Variants in ZNF74 observed in about 807,000 individuals in gnomAD.
ZNF74 encodes the protein zinc finger protein 520.
A neutral mutation model predicts 17.7 loss-of-function variants in ZNF74; 12 were observed. The ratio of observed to expected loss-of-function variants is 0.68; its 90% CI spans 0.43 to 1.10. The LOEUF is 1.10. ZNF74 is among the 50% of genes least tolerant of loss of function. ZNF74 has a pLI of 0.00. For synonymous variants in ZNF74, 358 were observed against 362.1 expected (o/e 0.99, Z 0.13); for missense variants, 811 against 881.0 (o/e 0.92, Z 1.01).
In ZNF74 at chr22:20,406,591, C is replaced by G. The variant is rs1458468935; in HGVS notation, c.1558C>G (p.Arg520Gly). 5 of 1,614,070 alleles carry G rather than the reference C, an allele frequency of 3.1e-6. No individual in the cohort carries two copies. Among genetic ancestry groups the G allele is most frequent in the Admixed American group, 1.7e-5 (1 of 60,004 alleles). Reference protein sequence around the residue: ...SCHSSLIVHQRIHTGEKPYKC... With the variant: ...SCHSSLIVHQGIHTGEKPYKC... ...CCACTCGTCCCTCATCGTGCACCAGCGCATCCACACCGGTGAGAAGCCCTA... is the reference window on the plus strand; with the variant it reads ...CCACTCGTCCCTCATCGTGCACCAGGGCATCCACACCGGTGAGAAGCCCTA... Residue 520 changes from arginine to glycine, a missense_variant, in exon 5 of 5, where the codon CGC becomes GGC. Arg to Gly is a moderately radical substitution (Grantham distance 125). Around this residue, in one of 3 missense-constraint regions of ZNF74, gnomAD observed 30 missense variants for 59.2 expected, o/e 0.51. Coordinates refer to ENST00000400451, the MANE Select transcript of ZNF74 (RefSeq NM_003426.4).
In ZNF74 at chr22:20,407,234, C is replaced by G; in HGVS notation, c.*266C>G. ...CCTTGATGGGCCTGGAAGTTGTTGACAAGGGGAAAGATCTTTCTTGCCAAT... is the reference window on the plus strand; with the variant it reads ...CCTTGATGGGCCTGGAAGTTGTTGAGAAGGGGAAAGATCTTTCTTGCCAAT... On this transcript the variant is annotated 3_prime_UTR_variant, in exon 5 of 5. Transcript: ENST00000400451. 4.1e-6 allele frequency: 2 copies of G among 486,916 alleles called. No homozygotes were observed. Among genetic ancestry groups the G allele is most frequent in the South Asian group, 5.7e-5 (2 of 34,990 alleles). The allele number at this position is 486,916 out of a possible 1,614,324, so 30.2% of individuals were successfully genotyped here.
Position 20,396,329 on chromosome 22 carries a change from A to G in ZNF74, c.120+911A>G, listed in dbSNP as rs2052293633. Among the ~76,000 whole-genome samples the G allele has an allele frequency of 2.0e-5, 3 of 152,108 alleles. 1 individual carries two copies. In the South Asian group the frequency reaches 6.2e-4, roughly 32 times the overall value. On this transcript the variant is annotated intron_variant, in intron 2 of 4. Coordinates refer to ENST00000400451, the MANE Select transcript of ZNF74 (RefSeq NM_003426.4). ...ATAGTCCTCAAGAAACTTGACAGTC[A>G]AATGCAATGCATGTTCCTTGCTTAG...
At chr22:20,396,605 G>A (rs2052296855) in intron 2 of ZNF74, among the ~76,000 whole-genome samples, 1 of 152,062 alleles carries the variant, frequency 6.6e-6, no homozygotes, top group Non-Finnish European at 1.5e-5. Context: ...GTCTGTATGT[G>A]TCTGTGCAGC....
chr22:20,401,492 C>A lies in ZNF74; in HGVS notation c.343+120C>A. ...CTCCATCTCCCCTTTTCAGGTCCCC[C>A]GCCAGACCCTCCTGCCTGCCTCCCT... On this transcript the variant is annotated intron_variant, in intron 4 of 4. Transcript: ENST00000400451. This position sits in a 1 kb window ranked among gnomAD's most constrained non-coding sequence, Gnocchi z 4.2. The A allele has an allele frequency of 1.5e-6, 1 of 675,076 alleles. No individual in the cohort carries two copies. The allele number at this position is 675,076 out of a possible 1,614,324, so 41.8% of individuals were successfully genotyped here.
chr22:20,395,079 A>G (rs191470983), intron 1 of ZNF74: 9 of 460,798 alleles, frequency 2.0e-5, no homozygotes, highest in Admixed American at 1.1e-4. Flanking sequence ...CCCGCGCCCA[A>G]TCATTTGTTC....
At chr22:20,398,180 G>A (rs769322109) in intron 2 of ZNF74, among the ~76,000 whole-genome samples, 2 of 152,004 alleles carry the variant, frequency 1.3e-5, no homozygotes, top group Admixed American at 6.6e-5. Context: ...TTAGCTGGGC[G>A]TTAGTTCTCG....
At chr22:20,402,801 CAAA>C (rs361884) in intron 4 of ZNF74, among the ~76,000 whole-genome samples, 12,397 of 107,442 alleles carry the variant, frequency 0.12, 852 homozygotes, top group African/African-American at 0.23. Context: ...AATTCCATCT[CAAA>C]AAAAAAAAAA....
At position 20,406,233 on chromosome 22, in the gene ZNF74, C is replaced by T. The variant is rs1357534078; in HGVS notation, c.1200C>T (p.His400=). Reference sequence around the variant, plus strand: ...CCTGCGGCAAGGCCTTCACCTGCCACTCATCCCTCACCGTGCATGAGAAGA... The same window carrying T: ...CCTGCGGCAAGGCCTTCACCTGCCATTCATCCCTCACCGTGCATGAGAAGA... The part of the protein sequence containing the change: ...CGSCGKAFTC[H]SSLTVHEKIH... The change falls in exon 5 of 5, where the codon CAC becomes CAT. Residue 400 remains histidine, a synonymous_variant. Transcript: ENST00000400451. 9 of 1,612,806 alleles carry T rather than the reference C, an allele frequency of 5.6e-6. No individual in the cohort carries two copies. Among genetic ancestry groups the T allele is most frequent in the East Asian group, 2.2e-5 (1 of 44,860 alleles).
chr22:20,394,625 G>A lies in ZNF74; in HGVS notation c.-4G>A. The A allele has an allele frequency of 1.2e-6, 2 of 1,614,172 alleles. No individual in the cohort carries two copies. The highest frequency in any genetic ancestry group is 1.1e-5 in the South Asian group (1 of 91,090). On this transcript the variant is annotated 5_prime_UTR_variant, in exon 1 of 5. Transcript: ENST00000400451. ...CTCCTCCTGGGGAGGCTGCCGTGGA[G>A]GCCATGGAGATCCCTGCCCCGGAGC...
Position 20,400,714 on chromosome 22 carries a change from A to G in ZNF74, c.203A>G (p.Tyr68Cys). ...CTAGACTCCCCTCAGAGGGCCTTGT[A>G]CCGGGATGTGATGTTGGAGAACTAC... is the stretch of plus-strand genomic sequence containing the variant. ...GQLDSPQRAL[Y>C]RDVMLENYQN... is the part of the protein sequence containing the mutation. The change falls in exon 3 of 5, where the codon TAC becomes TGC. Residue 68 changes from tyrosine to cysteine, a missense_variant. Around this residue, in one of 3 missense-constraint regions of ZNF74, gnomAD observed 666 missense variants for 702.3 expected, o/e 0.95. Coordinates refer to ENST00000400451, the MANE Select transcript of ZNF74 (RefSeq NM_003426.4). The G allele has an allele frequency of 3.7e-6, 6 of 1,614,120 alleles. No individual in the cohort carries two copies. Among genetic ancestry groups the G allele is most frequent in the Non-Finnish European group, 5.1e-6 (6 of 1,180,016 alleles).
rs540400298 is a variant in ZNF74, at chr22:20,396,906, G to A, written c.120+1488G>A. On this transcript the variant is annotated intron_variant, in intron 2 of 4. Transcript: ENST00000400451. ...GCAGAATGATGACACATTAGACATG[G>A]ACTTCTCCCAGTGGCCAGAAATACC... Among the ~76,000 whole-genome samples the A allele has an allele frequency of 5.1e-4, 78 of 152,118 alleles. 1 individual carries two copies. The highest frequency in any genetic ancestry group is 2.5e-3 in the Admixed American group (38 of 15,268).
At chr22:20,396,575 ATG>A (rs2052296318) in intron 2 of ZNF74, among the ~76,000 whole-genome samples, 1 of 152,026 alleles carries the variant, frequency 6.6e-6, no homozygotes, top group Admixed American at 6.6e-5. Flanking sequence ...GCAAAAAAAA[ATG>A]TGTGTGCATG....
chr22:20,400,820 T>C (rs1294776256), intron 3 of ZNF74, 62 bp downstream of exon 3: 1 of 1,574,086 alleles, frequency 6.4e-7, no homozygotes, highest in Non-Finnish European at 8.7e-7. Context: ...ATGGTAGATA[T>C]TAAGGAGAAT....
rs1456439989 is a variant in ZNF74 at position 20,394,440 on chromosome 22, C to T, written c.-189C>T. 3 of 637,080 alleles carry T rather than the reference C, an allele frequency of 4.7e-6. No individual in the cohort carries two copies. The Admixed American group carries it at 7.8e-5, about 17-fold the overall frequency. The allele number at this position is 637,080 out of a possible 1,614,324, so 39.5% of individuals were successfully genotyped here. A position where few individuals can be genotyped will look rare whatever the true frequency, so the allele number is the denominator to read the frequency against. ...GGGTATCTGCGGAGCCGGCCTGAAC[C>T]CCACCTCAGCCGGGCGCGGGGAGGG... On this transcript the variant is annotated 5_prime_UTR_variant, in exon 1 of 5. Coordinates refer to ENST00000400451, the MANE Select transcript of ZNF74 (RefSeq NM_003426.4).
At chr22:20,398,450 C>T (rs1376180616) in intron 2 of ZNF74, among the ~76,000 whole-genome samples, 1 of 152,022 alleles carries the variant, frequency 6.6e-6, no homozygotes, top group Non-Finnish European at 1.5e-5. Context: ...TTTGCTTATC[C>T]ATTCACCAGC....
chr22:20,398,043 G>T (rs568897988), intron 2 of ZNF74, among the ~76,000 whole-genome samples: 1 of 152,322 alleles, frequency 6.6e-6, no homozygotes, highest in African/African-American at 2.4e-5. Flanking sequence ...TCCAGGCCGG[G>T]TGCAGTGGCT....
At position 20,405,493 on chromosome 22, in the gene ZNF74, G is replaced by A; in HGVS notation, c.460G>A (p.Gly154Ser). 1 of 1,607,870 alleles carries A rather than the reference G, an allele frequency of 6.2e-7. No homozygotes were observed. The highest frequency in any genetic ancestry group is 1.1e-5 in the South Asian group (1 of 90,438). Reference protein sequence around the residue: ...GGAQAWGRQAGALQRSQAAPW... With the variant: ...GGAQAWGRQASALQRSQAAPW... ...GGCGCAGGCGTGGGGGCGCCAGGCA[G>A]GTGCTCTGCAGAGGAGTCAGGCTGC... Residue 154 changes from glycine (G) to serine (S), a missense_variant, in exon 5 of 5, where the codon GGT becomes AGT. Physicochemically the swap from Gly to Ser is moderately conservative, Grantham distance 56 (BLOSUM62 0). Around this residue, in one of 3 missense-constraint regions of ZNF74, gnomAD observed 666 missense variants for 702.3 expected, o/e 0.95. Coordinates refer to ENST00000400451, the MANE Select transcript of ZNF74 (RefSeq NM_003426.4).
chr22:20,402,798 T>C (rs1415180680), intron 4 of ZNF74, among the ~76,000 whole-genome samples: 5 of 48,600 alleles, frequency 1.0e-4, no homozygotes, highest in African/African-American at 3.6e-4. Flanking sequence ...TGAAATTCCA[T>C]CTCAAAAAAA....
rs767946840 is a variant in ZNF74 at position 20,406,381 on chromosome 22, G to A, written c.1348G>A (p.Gly450Arg). ...GAAGCCCTTCAAGTGCGCCGACTGC[G>A]GGAAGGGCTTCAGCTGCCACGCGTA... is the stretch of plus-strand genomic sequence containing the variant. ...GEKPFKCADC[G>R]KGFSCHAYLL... Residue 450 changes from glycine (G) to arginine (R), a missense_variant, in exon 5 of 5, where the codon GGG becomes AGG. By Grantham distance (125) the Gly-to-Arg change is moderately radical. Around this residue, in one of 3 missense-constraint regions of ZNF74, gnomAD observed 666 missense variants for 702.3 expected, o/e 0.95. Transcript: ENST00000400451. 9 of 1,613,476 alleles carry A rather than the reference G, an allele frequency of 5.6e-6. No homozygotes were observed. The highest frequency in any genetic ancestry group is 2.2e-5 in the East Asian group (1 of 44,868).
Sources: gnomAD v4.1 joint callset for allele counts (sites outside exome capture counted in the v4.1 genomes callset) on GRCh38, gnomAD v4.1.1 for gene constraint, gnomAD v4.1.1 regional missense constraint, Gnocchi (gnomAD v3.1) non-coding constraint, MANE v1.5 for transcripts, NCBI Gene and HGNC (gene_info 2026-07-23, HGNC 2026-07-21) for gene names.